The following PPP1R3E variants were observed in gnomAD, a reference collection of about 807,000 sequenced individuals.
The protein encoded by PPP1R3E is protein phosphatase 1 regulatory subunit 3E, also known as protein phosphatase 1, regulatory (inhibitor) subunit 3E.
Under a neutral mutation model 18.5 loss-of-function variants are expected in PPP1R3E, and 20 were observed. The observed-to-expected ratio is 1.08, with a 90% CI of 0.76 to 1.58. PPP1R3E has a LOEUF of 1.58. Among genes scored for constraint, PPP1R3E ranks in the 40% most tolerant of loss-of-function variants. The probability of loss-of-function intolerance (pLI) is 0.00; values close to 1 mark genes in which losing one functional copy is unlikely to be tolerated. For synonymous variants in PPP1R3E, 208 were observed against 208.1 expected (o/e 1.00, Z 0.00); for missense variants, 498 against 460.2 (o/e 1.08, Z -0.75).
rs1456259762 is a variant in PPP1R3E, at chr14:23,296,397, G to A, written c.*2907C>T. 1.3e-5 allele frequency: 2 copies of A among 151,880 alleles called. No homozygotes were observed. The highest frequency in any genetic ancestry group is 2.9e-5 in the Non-Finnish European group (2 of 68,008). 9.4% of individuals were successfully genotyped at this position (151,880 alleles called of 1,614,324 possible). On this transcript the variant is annotated 3_prime_UTR_variant, in exon 5 of 5. Coordinates refer to ENST00000452015, the MANE Select transcript of PPP1R3E (RefSeq NM_001276318.2). ...TTTTTGAGGGTCTCACTGTCACCAA[G>A]CTGGAGTGCAGTGGTGCGATCATAG...
rs1684302762 is a variant in PPP1R3E at position 23,302,751 on chromosome 14, C to T, written c.-175G>A. 3.2e-6 allele frequency: 2 copies of T among 627,588 alleles called. No homozygotes were observed. The highest frequency in any genetic ancestry group is 2.5e-6 in the Non-Finnish European group (1 of 394,374). The allele number at this position is 627,588 out of a possible 1,614,324, so 38.9% of individuals were successfully genotyped here. A position where few individuals can be genotyped will look rare whatever the true frequency, so the allele number is the denominator to read the frequency against. On this transcript the variant is annotated 5_prime_UTR_variant, in exon 1 of 5. Transcript: ENST00000452015. ...GATCCTCCACCTCCCGTTGCTTTGC[C>T]TCTCCTCTGTGACCACCCTTCCCTC...
intron 3 of PPP1R3E, among the ~76,000 whole-genome samples, chr14:23,299,914 TTTTTTTGTTTTTG>T (rs1311830610): frequency 4.7e-4 from 55 of 116,800 alleles, no homozygotes; most frequent in African/African-American, 2.0e-3. Context: ...TGCTTTGGTG[TTTTTTTGTTTTTG>T]TTTTTTTTTT....
At chr14:23,301,250 TCCCCCCGCCCCCACGC>T (rs1887023854) in intron 2 of PPP1R3E, 32 bp downstream of exon 2, 2 of 153,122 alleles carry the variant, frequency 1.3e-5, no homozygotes, top group Non-Finnish European at 2.8e-5. Context: ...TTCCGCTCAC[TCCCCCCGCCCCCACGC>T]CCCCACGCCC....
In PPP1R3E at chr14:23,301,823, G is replaced by C; in HGVS notation, c.453C>G (p.Pro151=). ...GCGTCAGCAAGCGGGCGGCGAAGCC[G>C]GGCTCGCTGGCCGGCTCCAGGGCGG... is the stretch of plus-strand genomic sequence containing the variant. ...ARAALEPASE[P]GFAARLLTQR... Residue 151 remains proline (P), a synonymous_variant, in exon 2 of 5, where the codon CCC becomes CCG. Coordinates refer to ENST00000452015, the MANE Select transcript of PPP1R3E (RefSeq NM_001276318.2). The C allele has an allele frequency of 6.8e-7, 1 of 1,470,830 alleles. No individual in the cohort carries two copies. The highest frequency in any genetic ancestry group is 1.3e-5 in the South Asian group (1 of 77,264). The allele number at this position is 1,470,830 out of a possible 1,614,324, so 91.1% of individuals were successfully genotyped here.
rs138953770 is a variant in PPP1R3E at position 23,297,919 on chromosome 14, GA to G, written c.*1384del. On this transcript the variant is annotated 3_prime_UTR_variant, in exon 5 of 5. Transcript: ENST00000452015. ...TTACCCAGTAACATCGGGATTCCTAGAAAAGGCCCAAGCACAGACCCTCTAG... is the reference window on the plus strand; with the variant it reads ...TTACCCAGTAACATCGGGATTCCTAGAAAGGCCCAAGCACAGACCCTCTAG... The G allele has an allele frequency of 0.043, 6,562 of 152,206 alleles. 182 individuals are homozygous for G. The highest frequency in any genetic ancestry group is 0.063 in the Non-Finnish European group (4,287 of 68,008). The allele number at this position is 152,206 out of a possible 1,614,324, so 9.4% of individuals were successfully genotyped here. A position where few individuals can be genotyped will look rare whatever the true frequency, so the allele number is the denominator to read the frequency against.
rs563030431 is a variant in PPP1R3E, at chr14:23,302,307, G to T, written c.270C>A (p.Phe90Leu). 2 of 1,519,614 alleles carry T rather than the reference G, an allele frequency of 1.3e-6. No homozygotes were observed. Among genetic ancestry groups the T allele is most frequent in the African/African-American group, 2.8e-5 (2 of 70,312 alleles). The allele number at this position is 1,519,614 out of a possible 1,614,324, so 94.1% of individuals were successfully genotyped here. The part of the protein sequence containing the change: ...RSPDTRKRVR[F>L]ADALGLELAV... ...CCAGCTCCAACCCCAGTGCGTCGGC[G>T]AAACGCACTCTCTTGCGGGTGTCTG... Residue 90 changes from phenylalanine (F) to leucine (L), a missense_variant, in exon 1 of 5, where the codon TTC becomes TTA. Coordinates refer to ENST00000452015, the MANE Select transcript of PPP1R3E (RefSeq NM_001276318.2).
rs999006508 is a variant in PPP1R3E, at chr14:23,295,803, C to T, written c.*3501G>A. ...AACTTATTAAATTTTTCTGGACACA[C>T]ACACACAAAAAACAAGGTGACCAAG... On this transcript the variant is annotated 3_prime_UTR_variant, in exon 5 of 5. Coordinates refer to ENST00000452015, the MANE Select transcript of PPP1R3E (RefSeq NM_001276318.2). 1.3e-5 allele frequency: 2 copies of T among 155,118 alleles called. No individual in the cohort carries two copies. The highest frequency in any genetic ancestry group is 4.8e-5 in the African/African-American group (2 of 41,508). 9.6% of individuals were successfully genotyped at this position (155,118 alleles called of 1,614,324 possible).
chr14:23,301,451 C>A lies in PPP1R3E; in HGVS notation c.825G>T (p.Trp275Cys). 1 of 1,456,758 alleles carries A rather than the reference C, an allele frequency of 6.9e-7. No homozygotes were observed. The highest frequency in any genetic ancestry group is 9.0e-7 in the Non-Finnish European group (1 of 1,108,282). The allele number at this position is 1,456,758 out of a possible 1,614,324, so 90.2% of individuals were successfully genotyped here. Reference sequence around the variant, plus strand: ...GCGCCTCGTCTCAGATAAAGTGGATCCAGCCCTGCGGCTCCGGAGCTCCGC... The same window carrying A: ...GCGCCTCGTCTCAGATAAAGTGGATACAGCCCTGCGGCTCCGGAGCTCCGC... ...GSGGAPEPQG[W>C]IHFI Residue 275 changes from tryptophan (W) to cysteine (C), a missense_variant, in exon 2 of 5, where the codon TGG becomes TGT. Trp to Cys is a radical substitution (Grantham distance 215). Coordinates refer to ENST00000452015, the MANE Select transcript of PPP1R3E (RefSeq NM_001276318.2).
In PPP1R3E at chr14:23,300,850, G is replaced by A. The variant is rs145641460; in HGVS notation, c.*153C>T. The A allele has an allele frequency of 3.6e-3, 555 of 152,466 alleles. 2 individuals carry two copies. The highest frequency in any genetic ancestry group is 0.013 in the African/African-American group (528 of 41,590). 9.4% of individuals were successfully genotyped at this position (152,466 alleles called of 1,614,324 possible). A position where few individuals can be genotyped will look rare whatever the true frequency, so the allele number is the denominator to read the frequency against. On this transcript the variant is annotated 3_prime_UTR_variant, in exon 3 of 5. Coordinates refer to ENST00000452015, the MANE Select transcript of PPP1R3E (RefSeq NM_001276318.2). Reference sequence around the variant, plus strand: ...CCGTCATAATGCCAAGGACCAAGGAGCAGTGGCCAGGTTCCTGGGATTAAG... The same window carrying A: ...CCGTCATAATGCCAAGGACCAAGGAACAGTGGCCAGGTTCCTGGGATTAAG...
At position 23,296,849 on chromosome 14, in the gene PPP1R3E, C is replaced by T. The variant is rs1369284460; in HGVS notation, c.*2455G>A. 1 of 152,212 alleles carries T rather than the reference C, an allele frequency of 6.6e-6. No homozygotes were observed. The highest frequency in any genetic ancestry group is 1.5e-5 in the Non-Finnish European group (1 of 68,060). 9.4% of individuals were successfully genotyped at this position (152,212 alleles called of 1,614,324 possible). A position where few individuals can be genotyped will look rare whatever the true frequency, so the allele number is the denominator to read the frequency against. Reference sequence around the variant, plus strand: ...GTCTGATTCTATGACCTGCAAACTGCAAAGATCCCAGCAGGCTCCAGAAAA... The same window carrying T: ...GTCTGATTCTATGACCTGCAAACTGTAAAGATCCCAGCAGGCTCCAGAAAA... On this transcript the variant is annotated 3_prime_UTR_variant, in exon 5 of 5. Transcript: ENST00000452015.
In PPP1R3E at chr14:23,301,677, C is replaced by A; in HGVS notation, c.599G>T (p.Ser200Ile). 2 of 1,323,450 alleles carry A rather than the reference C, an allele frequency of 1.5e-6. No homozygotes were observed. The highest frequency in any genetic ancestry group is 6.4e-5 in the East Asian group (2 of 31,326). 82.0% of individuals were successfully genotyped at this position (1,323,450 alleles called of 1,614,324 possible). ...SVRWSADGWR[S>I]QREAPAAYAG... is the part of the protein sequence containing the mutation. Reference sequence around the variant, plus strand: ...GTAGGCGGCTGGCGCCTCGCGTTGGCTCCGCCAGCCGTCGGCGCTCCAGCG... The same window carrying A: ...GTAGGCGGCTGGCGCCTCGCGTTGGATCCGCCAGCCGTCGGCGCTCCAGCG... The change falls in exon 2 of 5, where the codon AGC becomes ATC. Residue 200 changes from serine to isoleucine, a missense_variant. Transcript: ENST00000452015.
At position 23,298,935 on chromosome 14, in the gene PPP1R3E, A is replaced by G. The variant is rs1025237534; in HGVS notation, c.*387-18T>C. ...GACTAAGGCTGTGGACAGGATGGGC[A>G]TGGTAACAAGCCAACAAGCCTCATA... On this transcript the variant is annotated intron_variant, in intron 4 of 4. Coordinates refer to ENST00000452015, the MANE Select transcript of PPP1R3E (RefSeq NM_001276318.2). 3.2e-5 allele frequency: 5 copies of G among 154,386 alleles called. No homozygotes were observed. The highest frequency in any genetic ancestry group is 9.6e-5 in the African/African-American group (4 of 41,518). The allele number at this position is 154,386 out of a possible 1,614,324, so 9.6% of individuals were successfully genotyped here. A position where few individuals can be genotyped will look rare whatever the true frequency, so the allele number is the denominator to read the frequency against.
chr14:23,296,288 T>C lies in PPP1R3E; in HGVS notation c.*3016A>G, dbSNP rs1464415788. ...GGATGGGGAAAGGAATGGAAACTAA[T>C]AGCAGAAAATGAAACATTTCTGATG... On this transcript the variant is annotated 3_prime_UTR_variant, in exon 5 of 5. Transcript: ENST00000452015. The C allele has an allele frequency of 2.0e-5, 3 of 152,212 alleles. No homozygotes were observed. The highest frequency in any genetic ancestry group is 2.9e-5 in the Non-Finnish European group (2 of 68,040). 9.4% of individuals were successfully genotyped at this position (152,212 alleles called of 1,614,324 possible). A position where few individuals can be genotyped will look rare whatever the true frequency, so the allele number is the denominator to read the frequency against.
rs1887076942 is a variant in PPP1R3E, at chr14:23,302,551, G to C, written c.26C>G (p.Thr9Ser). The C allele has an allele frequency of 2.0e-6, 3 of 1,483,556 alleles. No individual in the cohort carries two copies. Among genetic ancestry groups the C allele is most frequent in the Non-Finnish European group, 2.7e-6 (3 of 1,125,556 alleles). The allele number at this position is 1,483,556 out of a possible 1,614,324, so 91.9% of individuals were successfully genotyped here. A position where few individuals can be genotyped will look rare whatever the true frequency, so the allele number is the denominator to read the frequency against. The change falls in exon 1 of 5, where the codon ACC (threonine) becomes AGC (serine). Residue 9 changes from threonine to serine, a missense_variant. Thr to Ser is a moderately conservative substitution (Grantham distance 58). Transcript: ENST00000452015. The part of the protein sequence containing the change: MSRERPPG[T>S]DIPRNLSFIA... ...GAAGCTCAGGTTGCGGGGAATGTCG[G>C]TGCCCGGGGGCCGCTCACGGGACAT...
In PPP1R3E at chr14:23,302,425, GC is replaced by G; in HGVS notation, c.151del (p.Ala51ProfsTer108). 2 of 1,498,218 alleles carry G rather than the reference GC, an allele frequency of 1.3e-6. No individual in the cohort carries two copies. Among genetic ancestry groups the G allele is most frequent in the Admixed American group, 2.2e-5 (1 of 45,616 alleles). 92.8% of individuals were successfully genotyped at this position (1,498,218 alleles called of 1,614,324 possible). ...ACTCGGTGCGTGAGCGCGGGATCGG[GC>G]CCCGAACCGCGTCCCGCCCTCGCCT... is the stretch of plus-strand genomic sequence containing the variant. Reference protein sequence around the residue: ...EPGEGGTRFGARSRAHAPSRG... With the variant: ...EPGEGGTRFGXRSRAHAPSRG... On this transcript the variant is annotated frameshift_variant, in exon 1 of 5. Coordinates refer to ENST00000452015, the MANE Select transcript of PPP1R3E (RefSeq NM_001276318.2). LOFTEE classifies it high-confidence loss of function.
Position 23,301,780 on chromosome 14 carries a change from G to T in PPP1R3E, c.496C>A (p.Arg166Ser), listed in dbSNP as rs1594974637. The T allele has an allele frequency of 1.4e-6, 2 of 1,462,474 alleles. No homozygotes were observed. The highest frequency in any genetic ancestry group is 2.9e-5 in the African/African-American group (2 of 67,836). The allele number at this position is 1,462,474 out of a possible 1,614,324, so 90.6% of individuals were successfully genotyped here. ...ACGCCCAGCGGGCCCGCCTCGGCGC[G>T]TTCCAGGCAGATGCGCTGCGTCAGC... ...RLLTQRICLE[R>S]AEAGPLGVAG... The change falls in exon 2 of 5, where the codon CGC (arginine) becomes AGC (serine). Residue 166 changes from arginine (R) to serine (S), a missense_variant. Physicochemically the swap from Arg to Ser is moderately radical, Grantham distance 110 (BLOSUM62 -1). Transcript: ENST00000452015.
At position 23,298,600 on chromosome 14, in the gene PPP1R3E, A is replaced by G. The variant is rs1405010465; in HGVS notation, c.*704T>C. 1.3e-5 allele frequency: 2 copies of G among 154,348 alleles called. No homozygotes were observed. Among genetic ancestry groups the G allele is most frequent in the Non-Finnish European group, 2.9e-5 (2 of 68,226 alleles). The allele number at this position is 154,348 out of a possible 1,614,324, so 9.6% of individuals were successfully genotyped here. A position where few individuals can be genotyped will look rare whatever the true frequency, so the allele number is the denominator to read the frequency against. On this transcript the variant is annotated 3_prime_UTR_variant, in exon 5 of 5. Coordinates refer to ENST00000452015, the MANE Select transcript of PPP1R3E (RefSeq NM_001276318.2). ...CGCACACAAGTGTTAAGTAAATGTG[A>G]GCCCTCACTATTGTTCATACAACAT...
At position 23,295,672 on chromosome 14, in the gene PPP1R3E, G is replaced by A. The variant is rs1050688789; in HGVS notation, c.*3632C>T. On this transcript the variant is annotated 3_prime_UTR_variant, in exon 5 of 5. Coordinates refer to ENST00000452015, the MANE Select transcript of PPP1R3E (RefSeq NM_001276318.2). Reference sequence around the variant, plus strand: ...TGTTGTCAGTTTTCAATTTTCATTTGTGTGTGAATTTTTAATGTAAATGTA... The same window carrying A: ...TGTTGTCAGTTTTCAATTTTCATTTATGTGTGAATTTTTAATGTAAATGTA... The A allele has an allele frequency of 1.6e-5, 4 of 251,732 alleles. No homozygotes were observed. Among genetic ancestry groups the A allele is most frequent in the African/African-American group, 9.0e-5 (4 of 44,656 alleles). The allele number at this position is 251,732 out of a possible 1,614,324, so 15.6% of individuals were successfully genotyped here.
intron 3 of PPP1R3E, among the ~76,000 whole-genome samples, chr14:23,299,927 G>GTTTTTTTTTTTTTTTTTTTTTTTTTTT (rs3079707): frequency 9.9e-6 from 1 of 100,770 alleles, no homozygotes; most frequent in Non-Finnish European, 2.0e-5. Context: ...TTTTGTTTTT[G>GTTTTTTTTTTTTTTTTTTTTTTTTTTT]TTTTTTTTTT....
Sources: allele counts gnomAD v4.1 joint callset (sites outside exome capture counted in the v4.1 genomes callset), GRCh38; gene constraint gnomAD v4.1.1; transcripts MANE v1.5; gene names NCBI Gene and HGNC (gene_info 2026-07-23, HGNC 2026-07-21).